AKAP19: variants seen among roughly 807,000 people sequenced by gnomAD.
AKAP19 encodes the protein A-kinase anchoring protein 19.
chr2:189,931,447 A>T, the AKAP19 span, among the ~76,000 whole-genome samples: 1 of 152,070 alleles, frequency 6.6e-6, no homozygotes, highest in Non-Finnish European at 1.5e-5. Context: ...TATTAACCTC[A>T]AACTCCCAGG....
At chr2:189,994,644 G>C in the AKAP19 span, among the ~76,000 whole-genome samples, 6 of 151,784 alleles carry the variant, frequency 4.0e-5, no homozygotes, top group African/African-American at 1.2e-4. Context: ...TGTCACCCAA[G>C]CTGGAGTACA....
chr2:189,890,980 C>G, the AKAP19 span, among the ~76,000 whole-genome samples: 1 of 151,858 alleles, frequency 6.6e-6, no homozygotes, highest in African/African-American at 2.4e-5. Flanking sequence ...TTATTTTCCC[C>G]GTTAGTTGAT....
the AKAP19 span, among the ~76,000 whole-genome samples, chr2:189,889,304 AG>A: frequency 6.6e-6 from 1 of 152,188 alleles, no homozygotes; most frequent in African/African-American, 2.4e-5. Flanking sequence ...GTGTTGGATA[AG>A]CTTTTTGATG....
the AKAP19 span, among the ~76,000 whole-genome samples, chr2:189,992,818 TG>T: frequency 1.3e-3 from 194 of 152,304 alleles, 3 homozygotes; most frequent in East Asian, 0.014. Context: ...TTCTCAGCCT[TG>T]TTGTTGGTGG....
At chr2:190,187,646 C>T in the AKAP19 span, among the ~76,000 whole-genome samples, 32 of 152,132 alleles carry the variant, frequency 2.1e-4, 1 homozygote, top group East Asian at 4.5e-3. Flanking sequence ...GATCACTTGA[C>T]GCCAGGAGTT....
the AKAP19 span, chr2:190,057,782 T>A: frequency 1.2e-6 from 1 of 838,084 alleles, no homozygotes; most frequent in Non-Finnish European, 1.9e-6. Context: ...CATTAAGGAA[T>A]GTTAATTTAC....
At chr2:189,896,449 C>G in the AKAP19 span, among the ~76,000 whole-genome samples, 1 of 152,092 alleles carries the variant, frequency 6.6e-6, no homozygotes, top group Non-Finnish European at 1.5e-5. Context: ...TTATTCCTGT[C>G]TCTGTACTTT....
the AKAP19 span, among the ~76,000 whole-genome samples, chr2:189,993,652 G>GT: frequency 2.0e-5 from 3 of 152,054 alleles, no homozygotes; most frequent in South Asian, 2.1e-4. Flanking sequence ...TGGTTGGCAG[G>GT]TTTTTTTATT....
chr2:189,998,972 A>G, the AKAP19 span, among the ~76,000 whole-genome samples: 1 of 151,742 alleles, frequency 6.6e-6, no homozygotes, highest in African/African-American at 2.4e-5. Context: ...GGGTTTTACC[A>G]TGTTGGCTAG....
At chr2:190,023,626 A>G in the AKAP19 span, among the ~76,000 whole-genome samples, 1 of 151,792 alleles carries the variant, frequency 6.6e-6, no homozygotes, top group East Asian at 1.9e-4. Flanking sequence ...TTTATTTTAC[A>G]AAGTCGAATT....
At chr2:189,917,413 T>C in the AKAP19 span, 2 of 836,650 alleles carry the variant, frequency 2.4e-6, no homozygotes, top group Non-Finnish European at 4.0e-6. Context: ...TCTTGTCTTC[T>C]TCTCAAAACC....
chr2:189,912,104 A>G, the AKAP19 span, among the ~76,000 whole-genome samples: 1 of 142,092 alleles, frequency 7.0e-6, no homozygotes, highest in African/African-American at 2.6e-5. Flanking sequence ...TATACCACAC[A>G]GCATGTACAT....
chr2:189,888,412 T>C, the AKAP19 span, among the ~76,000 whole-genome samples: 20 of 152,178 alleles, frequency 1.3e-4, no homozygotes, highest in African/African-American at 4.8e-4. Flanking sequence ...TCTTTTTGCT[T>C]AGGATTGTCT....
chr2:190,010,031 T>C, the AKAP19 span, among the ~76,000 whole-genome samples: 303 of 152,276 alleles, frequency 2.0e-3, 1 homozygote, highest in Non-Finnish European at 3.6e-3. Flanking sequence ...AGGCCAAAAA[T>C]ACATTTATTC....
At chr2:190,038,907 C>CTTTCTTTCTTTCTTTCTTTCTTTCT in the AKAP19 span, among the ~76,000 whole-genome samples, 5 of 75,948 alleles carry the variant, frequency 6.6e-5, no homozygotes, top group African/African-American at 3.9e-4. Context: ...TTTCTTTCTT[C>CTTTCTTTCTTTCTTTCTTTCTTTCT]TTCTTCTTCT....
At chr2:190,081,948 CT>C in the AKAP19 span, among the ~76,000 whole-genome samples, 4 of 152,258 alleles carry the variant, frequency 2.6e-5, no homozygotes, top group African/African-American at 9.6e-5. Flanking sequence ...GCTTTCTCCC[CT>C]AGGGGCTAAA....
chr2:190,156,349 A>G, the AKAP19 span, among the ~76,000 whole-genome samples: 1 of 152,182 alleles, frequency 6.6e-6, no homozygotes, highest in African/African-American at 2.4e-5. Flanking sequence ...ATACATACAA[A>G]CATCCTTCAA....
chr2:190,199,228 G>T, the AKAP19 span, among the ~76,000 whole-genome samples: 1 of 152,120 alleles, frequency 6.6e-6, no homozygotes, highest in African/African-American at 2.4e-5. Flanking sequence ...TTTGTAAAGG[G>T]TCAGATAGTA....
At chr2:190,139,564 A>G in the AKAP19 span, among the ~76,000 whole-genome samples, 1 of 152,218 alleles carries the variant, frequency 6.6e-6, no homozygotes, top group Non-Finnish European at 1.5e-5. Flanking sequence ...AAGGGGAAGC[A>G]AACACATTGT....
Sources: allele counts gnomAD v4.1 joint callset (sites outside exome capture counted in the v4.1 genomes callset), GRCh38; gene constraint gnomAD v4.1.1; transcripts MANE v1.5; gene names NCBI Gene and HGNC (gene_info 2026-07-23, HGNC 2026-07-21).